ABCC4: variants seen among roughly 807,000 people sequenced by gnomAD.
ABCC4 encodes ATP-binding cassette sub-family C member 4.
ABCC4 carries 102 observed loss-of-function variants against 168.5 expected under a neutral mutation model. The ratio of observed to expected loss-of-function variants is 0.61; its 90% CI spans 0.52 to 0.71. The LOEUF is 0.71. ABCC4 is among the 30% of genes least tolerant of loss of function. ABCC4 has a pLI of 0.00. For synonymous variants in ABCC4, 617 were observed against 590.7 expected (o/e 1.04, Z -0.65); for missense variants, 1,402 against 1,605.8 (o/e 0.87, Z 2.17).
chr13:95,259,286 A>G (rs1348012860), intron 1 of ABCC4, among the ~76,000 whole-genome samples: 1 of 151,932 alleles, frequency 6.6e-6, no homozygotes, highest in Non-Finnish European at 1.5e-5. Flanking sequence ...AGGCTGAAGC[A>G]GGAGAATCGC....
At chr13:95,299,299 C>T (rs966439004) in intron 1 of ABCC4, among the ~76,000 whole-genome samples, 2 of 150,766 alleles carry the variant, frequency 1.3e-5, no homozygotes, top group Admixed American at 6.6e-5. Flanking sequence ...CTTGCCCTGC[C>T]TGAAGTTGAG....
intron 25 of ABCC4, among the ~76,000 whole-genome samples, chr13:95,068,454 G>A (rs367975970): frequency 2.6e-5 from 4 of 152,102 alleles, no homozygotes; most frequent in Non-Finnish European, 2.9e-5. Context: ...GTGAAACCCC[G>A]GATCCACTAA....
chr13:95,214,082 G>A (rs2039042683), intron 4 of ABCC4, among the ~76,000 whole-genome samples: 1 of 152,178 alleles, frequency 6.6e-6, no homozygotes, highest in African/African-American at 2.4e-5. Context: ...TTAGGAGCGA[G>A]ATAGGTAATA....
chr13:95,025,187 A>G (rs1207924378), intron 30 of ABCC4, among the ~76,000 whole-genome samples: 10 of 117,318 alleles, frequency 8.5e-5, no homozygotes, highest in African/African-American at 3.6e-4. Flanking sequence ...ACCCACACAC[A>G]CCCACACCAC....
At chr13:95,054,470 C>T (rs1166549486) in intron 26 of ABCC4, among the ~76,000 whole-genome samples, 1 of 151,558 alleles carries the variant, frequency 6.6e-6, no homozygotes, top group Non-Finnish European at 1.5e-5. Context: ...ATCACTTTGA[C>T]CTGGGAGGCA....
chr13:95,050,381 A>G (rs1217193654), intron 27 of ABCC4, among the ~76,000 whole-genome samples: 1 of 152,216 alleles, frequency 6.6e-6, no homozygotes, highest in East Asian at 1.9e-4. Context: ...CTGACCATCT[A>G]GAAGGTAAAA....
At position 95,075,523 on chromosome 13, in the gene ABCC4, T is replaced by C. The variant is rs753151446; in HGVS notation, c.2715A>G (p.Ser905=). The C allele has an allele frequency of 8.7e-6, 14 of 1,613,962 alleles. No individual in the cohort carries two copies. The South Asian group carries it at 1.1e-4, about 13-fold the overall frequency. ...TTRSPVFSHL[S]SSLQGLWTIR... ...TGGTCCAGAGCCCCTGGAGAGAAGA[T>C]GATAAGTGGGAAAACACTGGACTCC... The change falls in exon 22 of 31, where the codon TCA becomes TCG. Residue 905 remains serine (S), a synonymous_variant. Coordinates refer to ENST00000645237, the MANE Select transcript of ABCC4 (RefSeq NM_005845.5).
chr13:95,282,668 G>C (rs2041154939), intron 1 of ABCC4, among the ~76,000 whole-genome samples: 1 of 151,772 alleles, frequency 6.6e-6, no homozygotes, highest in Non-Finnish European at 1.5e-5. Context: ...CTGAGTAGCT[G>C]GGATTACAGG....
chr13:95,263,097 G>A (rs1009607891), intron 1 of ABCC4, among the ~76,000 whole-genome samples: 2 of 152,144 alleles, frequency 1.3e-5, no homozygotes, highest in Non-Finnish European at 2.9e-5. Context: ...GCATCAAAGC[G>A]CAAGGCGGGT....
intron 19 of ABCC4, among the ~76,000 whole-genome samples, chr13:95,139,628 G>A (rs556675941): frequency 7.9e-5 from 12 of 152,240 alleles, no homozygotes; most frequent in South Asian, 2.1e-4. Flanking sequence ...CAGGATCTAC[G>A]GACATTGTTT....
chr13:95,090,298 A>G (rs2034389472), intron 20 of ABCC4, among the ~76,000 whole-genome samples: 1 of 152,172 alleles, frequency 6.6e-6, no homozygotes, highest in South Asian at 2.1e-4. Flanking sequence ...GCCACCTTCC[A>G]ACAGGAGGCC....
At chr13:95,296,927 C>T (rs1218232923) in intron 1 of ABCC4, among the ~76,000 whole-genome samples, 1 of 152,030 alleles carries the variant, frequency 6.6e-6, no homozygotes, top group Non-Finnish European at 1.5e-5. Flanking sequence ...ATATCAAATA[C>T]CAAAAGAAAT....
At chr13:95,195,728 G>A (rs373106032) in intron 8 of ABCC4, among the ~76,000 whole-genome samples, 16 of 152,042 alleles carry the variant, frequency 1.1e-4, no homozygotes, top group East Asian at 7.7e-4. Context: ...CCGCCTCTCC[G>A]GTTCAAGTGA....
At chr13:95,121,406 T>C (rs934402552) in intron 19 of ABCC4, among the ~76,000 whole-genome samples, 3 of 151,424 alleles carry the variant, frequency 2.0e-5, no homozygotes, top group African/African-American at 7.3e-5. Context: ...GCTGATAACA[T>C]TCAAACTTTA....
In ABCC4 at chr13:95,063,726, G is replaced by A. The variant is rs1200004491; in HGVS notation, c.3211-867C>T. 3.9e-5 allele frequency among the ~76,000 whole-genome samples: 6 copies of A among 152,282 alleles called. No individual in the cohort carries two copies. In the South Asian group the frequency reaches 1.0e-3, roughly 26 times the overall value. ...GAGAAATGAAGTGCACTGCCAATAC[G>A]ATCAAAGAATCAATAAAATGCTGGT... On this transcript the variant is annotated intron_variant, in intron 25 of 30. Coordinates refer to ENST00000645237, the MANE Select transcript of ABCC4 (RefSeq NM_005845.5).
intron 3 of ABCC4, among the ~76,000 whole-genome samples, chr13:95,242,131 A>C (rs16950829): frequency 1.3e-5 from 2 of 152,196 alleles, no homozygotes; most frequent in South Asian, 4.1e-4. Context: ...AGCTTCCACT[A>C]TCCAAAATAC....
chr13:95,292,698 T>C lies in ABCC4; in HGVS notation c.74+8543A>G, dbSNP rs534345939. ...GCCCAGTATCTGGAAGGGATTCCTGTACTGAGTGTGGGCTAGAAGATCTCT... is the reference window on the plus strand; with the variant it reads ...GCCCAGTATCTGGAAGGGATTCCTGCACTGAGTGTGGGCTAGAAGATCTCT... On this transcript the variant is annotated intron_variant, in intron 1 of 30. Transcript: ENST00000645237. Among the ~76,000 whole-genome samples, 4 of 152,308 alleles carry C rather than the reference T, an allele frequency of 2.6e-5. No homozygotes were observed. The South Asian group carries it at 8.3e-4, about 32-fold the overall frequency.
chr13:95,241,314 G>A (rs1025195043), intron 3 of ABCC4, among the ~76,000 whole-genome samples: 4 of 150,222 alleles, frequency 2.7e-5, no homozygotes, highest in East Asian at 3.9e-4. Flanking sequence ...GCAGTGAGCC[G>A]AGATCGTGCC....
intron 19 of ABCC4, among the ~76,000 whole-genome samples, chr13:95,131,601 C>T (rs1322302124): frequency 6.6e-6 from 1 of 152,086 alleles, no homozygotes; most frequent in Admixed American, 6.6e-5. Context: ...TGCACTCCTG[C>T]CTGGGCAACA....
Sources: gnomAD v4.1 joint callset for allele counts (sites outside exome capture counted in the v4.1 genomes callset) on GRCh38, gnomAD v4.1.1 for gene constraint, MANE v1.5 for transcripts, NCBI Gene and HGNC (gene_info 2026-07-23, HGNC 2026-07-21) for gene names.